TSGA10: variants seen among roughly 807,000 people sequenced by gnomAD.
The protein encoded by TSGA10 is testis specific 10.
A neutral mutation model predicts 96.6 loss-of-function variants in TSGA10; 43 were observed. The ratio of observed to expected loss-of-function variants is 0.44; its 90% CI spans 0.35 to 0.57. TSGA10 has a LOEUF of 0.57. Ranked by LOEUF, TSGA10 falls within the 20% of genes least tolerant of loss-of-function variation. TSGA10 has a pLI of 0.01. For missense variants in TSGA10, 703 were observed against 834.4 expected (o/e 0.84, Z 1.94); for synonymous variants, 229 against 269.9 (o/e 0.85, Z 1.48).
chr2:99,147,234 CAA>C (rs2093641545), intron 1 of TSGA10: 5 of 465,906 alleles, frequency 1.1e-5, no homozygotes. Flanking sequence ...CTGCTGGACT[CAA>C]GAGATCTTTC....
At chr2:99,147,376 C>A in intron 1 of TSGA10, 2 of 1,211,532 alleles carry the variant, frequency 1.7e-6, no homozygotes, top group Non-Finnish European at 2.4e-6. Flanking sequence ...TCTTTATGTA[C>A]CTTTATTCTT....
intron 1 of TSGA10, among the ~76,000 whole-genome samples, chr2:99,153,656 CTG>C (rs926668639): frequency 5.3e-5 from 8 of 152,170 alleles, no homozygotes; most frequent in African/African-American, 1.9e-4. Context: ...TATTCTGTGA[CTG>C]TTTTTAATAA....
chr2:99,006,214 G>A (rs369283311), intron 20 of TSGA10, among the ~76,000 whole-genome samples: 44 of 151,842 alleles, frequency 2.9e-4, no homozygotes, highest in African/African-American at 7.7e-4. Flanking sequence ...AGGCAATACC[G>A]TTCAGGACAT....
intron 16 of TSGA10, among the ~76,000 whole-genome samples, chr2:99,056,406 A>G (rs557773613): frequency 9.8e-5 from 15 of 152,306 alleles, no homozygotes; most frequent in South Asian, 8.3e-4. Flanking sequence ...AATGAAATAG[A>G]TTATAAAAAT....
intron 17 of TSGA10, among the ~76,000 whole-genome samples, chr2:99,025,241 C>G (rs2080456434): frequency 6.6e-6 from 1 of 152,200 alleles, no homozygotes; most frequent in Non-Finnish European, 1.5e-5. Flanking sequence ...GAATTCACAA[C>G]TGAAGCCATC....
chr2:99,034,818 C>T (rs1474335390), intron 17 of TSGA10, among the ~76,000 whole-genome samples: 1 of 152,054 alleles, frequency 6.6e-6, no homozygotes, highest in Non-Finnish European at 1.5e-5. Context: ...ATTATACTCC[C>T]TGTGGCAAGT....
chr2:99,042,336 G>T (rs1244607834), intron 16 of TSGA10, among the ~76,000 whole-genome samples: 1 of 152,138 alleles, frequency 6.6e-6, no homozygotes, highest in Non-Finnish European at 1.5e-5. Context: ...TGTTGGCCCT[G>T]GGGCATCCTA....
At chr2:99,143,142 T>C (rs2093591716) in intron 1 of TSGA10, among the ~76,000 whole-genome samples, 1 of 127,940 alleles carries the variant, frequency 7.8e-6, no homozygotes, top group Non-Finnish European at 1.6e-5. Flanking sequence ...CCTTTTTTTT[T>C]TTTTTTTTTT....
intron 10 of TSGA10, among the ~76,000 whole-genome samples, chr2:99,098,290 T>C (rs1050846347): frequency 6.6e-6 from 1 of 150,916 alleles, no homozygotes; most frequent in Non-Finnish European, 1.5e-5. Context: ...ACAAAAAAAA[T>C]TAGCCAGGCG....
At chr2:99,144,345 A>T (rs893694498) in intron 1 of TSGA10, among the ~76,000 whole-genome samples, 16 of 151,754 alleles carry the variant, frequency 1.1e-4, no homozygotes, top group African/African-American at 3.9e-4. Flanking sequence ...TAAATCAGAG[A>T]GTTTCCTCCT....
chr2:99,132,030 T>C (rs1274736261), intron 1 of TSGA10, among the ~76,000 whole-genome samples: 1 of 152,078 alleles, frequency 6.6e-6, no homozygotes, highest in Non-Finnish European at 1.5e-5. Context: ...TTGCCAGTAT[T>C]TTATTGAGGA....
At chr2:99,087,517 A>T (rs1490317820) in intron 10 of TSGA10, among the ~76,000 whole-genome samples, 1 of 152,152 alleles carries the variant, frequency 6.6e-6, no homozygotes, top group African/African-American at 2.4e-5. Flanking sequence ...AACAAAAAAT[A>T]AAAAATAAAA....
At chr2:99,110,419 A>C (rs559863976) in intron 5 of TSGA10, among the ~76,000 whole-genome samples, 1 of 152,354 alleles carries the variant, frequency 6.6e-6, no homozygotes, top group African/African-American at 2.4e-5. Context: ...TAACACTAAA[A>C]TGTTTAAACA....
intron 17 of TSGA10, among the ~76,000 whole-genome samples, chr2:99,030,475 C>T (rs778998957): frequency 1.3e-5 from 2 of 152,106 alleles, no homozygotes; most frequent in Non-Finnish European, 2.9e-5. Context: ...TAGCAAGACC[C>T]CATCTCTACA....
chr2:99,004,118 C>T lies in TSGA10; in HGVS notation c.2073-5897G>A, dbSNP rs975829436. Among the ~76,000 whole-genome samples, 6 of 152,266 alleles carry T rather than the reference C, an allele frequency of 3.9e-5. No homozygotes were observed. The South Asian group carries it at 1.2e-3, about 32-fold the overall frequency. On this transcript the variant is annotated intron_variant, in intron 20 of 20. Coordinates refer to ENST00000393483, the MANE Select transcript of TSGA10 (RefSeq NM_025244.4). ...CAATAAAAAATGATAAAGGGGATAT[C>T]ACCACTGATCCCACGGAAATGCAAA...
chr2:99,123,135 T>C (rs2092664234), intron 2 of TSGA10, among the ~76,000 whole-genome samples: 1 of 152,202 alleles, frequency 6.6e-6, no homozygotes, highest in Non-Finnish European at 1.5e-5. Flanking sequence ...GTCACTTGAA[T>C]TGGTGTTCTT....
intron 10 of TSGA10, among the ~76,000 whole-genome samples, chr2:99,086,191 T>C (rs2104636841): frequency 6.6e-6 from 1 of 151,884 alleles, no homozygotes; most frequent in Middle Eastern, 3.4e-3. Context: ...TAAAATAAAA[T>C]GAACAAAAAC....
intron 10 of TSGA10, among the ~76,000 whole-genome samples, chr2:99,088,583 A>G (rs2088868956): frequency 6.6e-6 from 1 of 152,116 alleles, no homozygotes; most frequent in African/African-American, 2.4e-5. Context: ...CTGCATTATA[A>G]ATTGTTACTG....
At chr2:99,061,021 T>C (rs995538116) in intron 16 of TSGA10, among the ~76,000 whole-genome samples, 1 of 152,190 alleles carries the variant, frequency 6.6e-6, no homozygotes, top group Non-Finnish European at 1.5e-5. Flanking sequence ...TATCAGGACA[T>C]AGAAGTACAA....
Sources: allele counts gnomAD v4.1 joint callset (sites outside exome capture counted in the v4.1 genomes callset), GRCh38; gene constraint gnomAD v4.1.1; transcripts MANE v1.5; gene names NCBI Gene and HGNC (gene_info 2026-07-23, HGNC 2026-07-21).